RASAL2: variants seen among roughly 807,000 people sequenced by gnomAD.
RASAL2 encodes ras GTPase-activating protein nGAP.
In RASAL2, 58 loss-of-function variants were observed where a neutral mutation model predicts 128.9. The observed-to-expected ratio is 0.45, with a 90% CI of 0.36 to 0.56. RASAL2 has a LOEUF of 0.56. RASAL2 is among the 20% of genes least tolerant of loss of function. RASAL2 has a pLI of 0.00. For synonymous variants in RASAL2, 561 were observed against 580.8 expected, an observed-to-expected ratio of 0.97 and a Z score of 0.49; for missense variants, 1,360 against 1,601.6, an observed-to-expected ratio of 0.85 and a Z score of 2.57.
chr1:178,387,780 G>GA (rs1266557075), intron 3 of RASAL2, among the ~76,000 whole-genome samples: 1 of 151,948 alleles, frequency 6.6e-6, no homozygotes, highest in Admixed American at 6.6e-5. Flanking sequence ...ATCATTGTTG[G>GA]AAAAAAGAGA....
intron 1 of RASAL2, among the ~76,000 whole-genome samples, chr1:178,262,718 T>G (rs951279423): frequency 2.6e-5 from 4 of 152,118 alleles, no homozygotes; most frequent in Admixed American, 6.5e-5. Context: ...GCTGGGAGTA[T>G]TTGATAACTG....
intron 4 of RASAL2, among the ~76,000 whole-genome samples, chr1:178,399,537 G>A (rs1013474855): frequency 5.3e-5 from 8 of 152,098 alleles, no homozygotes; most frequent in Non-Finnish European, 7.4e-5. Context: ...GGTAGCCAGT[G>A]GACGCCCACT....
intron 2 of RASAL2, among the ~76,000 whole-genome samples, chr1:178,299,216 C>T (rs1390658763): frequency 2.0e-5 from 3 of 152,110 alleles, no homozygotes; most frequent in Admixed American, 2.0e-4. Context: ...TCTAAGTGCT[C>T]AACTCTAAAA....
chr1:178,257,652 C>T (rs12039359), intron 1 of RASAL2, among the ~76,000 whole-genome samples: 1 of 151,692 alleles, frequency 6.6e-6, no homozygotes, highest in Non-Finnish European at 1.5e-5. Flanking sequence ...CAAGATCAAC[C>T]TAGGTAACAT....
intron 1 of RASAL2, among the ~76,000 whole-genome samples, chr1:178,164,835 G>A (rs1017865307): frequency 6.7e-6 from 1 of 148,492 alleles, no homozygotes; most frequent in African/African-American, 2.5e-5. Flanking sequence ...GTGTGTGTGT[G>A]TGTGTGTGTG....
intron 3 of RASAL2, among the ~76,000 whole-genome samples, chr1:178,331,618 G>A (rs111569309): frequency 3.4e-5 from 4 of 119,376 alleles, no homozygotes; most frequent in African/African-American, 3.5e-5. Flanking sequence ...ACAGATTCTC[G>A]CACTGTCATC....
chr1:178,297,607 C>CA (rs34825546), intron 2 of RASAL2, among the ~76,000 whole-genome samples: 950 of 56,306 alleles, frequency 0.017, 10 homozygotes, highest in Non-Finnish European at 0.017. Context: ...GACTCCATCT[C>CA]AAAAAAAAAA....
chr1:178,376,530 C>A (rs1671995790), intron 3 of RASAL2, among the ~76,000 whole-genome samples: 1 of 152,030 alleles, frequency 6.6e-6, no homozygotes, highest in Admixed American at 6.6e-5. Flanking sequence ...ATAGGATTAA[C>A]CTTTTGAAGG....
intron 1 of RASAL2, among the ~76,000 whole-genome samples, chr1:178,261,700 A>G (rs1459522977): frequency 1.3e-5 from 2 of 152,122 alleles, no homozygotes; most frequent in East Asian, 3.9e-4. Flanking sequence ...GTGGATCACG[A>G]GATCAGGAGT....
At chr1:178,241,777 A>T (rs1356931480) in intron 1 of RASAL2, among the ~76,000 whole-genome samples, 2 of 152,232 alleles carry the variant, frequency 1.3e-5, no homozygotes, top group East Asian at 3.8e-4. Flanking sequence ...AAATGCAGGA[A>T]ATAATAGTAC....
At position 178,162,904 on chromosome 1, in the gene RASAL2, ATACTAGAACCT is replaced by A. The variant is rs145943459; in HGVS notation, c.202+68213_202+68223del. On this transcript the variant is annotated intron_variant, in intron 1 of 17. Coordinates refer to ENST00000367649, the MANE Select transcript of RASAL2 (RefSeq NM_170692.4). ...GCTGAGATTTCTTTATATATACTTG[ATACTAGAACCT>A]TATCAGATACATGATTTGAAAAACA... Among the ~76,000 whole-genome samples, 741 of 151,922 alleles carry A rather than the reference ATACTAGAACCT, an allele frequency of 4.9e-3. 5 individuals carry two copies. The highest frequency in any genetic ancestry group is 0.017 in the African/African-American group (713 of 41,418).
chr1:178,402,777 C>T (rs540521356), intron 4 of RASAL2, among the ~76,000 whole-genome samples: 17 of 152,188 alleles, frequency 1.1e-4, no homozygotes, highest in South Asian at 8.3e-4. Context: ...AAAAGCCCCC[C>T]TCCATCTCTG....
At chr1:178,131,956 A>G (rs921090307) in intron 1 of RASAL2, among the ~76,000 whole-genome samples, 1 of 152,062 alleles carries the variant, frequency 6.6e-6, no homozygotes, top group South Asian at 2.1e-4. Context: ...TTCTGTTTTG[A>G]GTCTTTGTAA....
chr1:178,205,874 C>A (rs1571628253), intron 1 of RASAL2, among the ~76,000 whole-genome samples: 1 of 143,846 alleles, frequency 7.0e-6, no homozygotes, highest in Non-Finnish European at 1.5e-5. Flanking sequence ...CCCATACTTA[C>A]CATTTTATTG....
At chr1:178,372,097 G>A (rs1030886465) in intron 3 of RASAL2, 6 of 886,622 alleles carry the variant, frequency 6.8e-6, no homozygotes, top group African/African-American at 1.8e-5. Context: ...AGAGTGGAGG[G>A]AGGATCACAT....
intron 4 of RASAL2, 92 bp from the exon 5 acceptor site, chr1:178,420,419 G>A (rs1675068614): frequency 1.4e-6 from 1 of 729,290 alleles, no homozygotes; most frequent in South Asian, 3.4e-5. Flanking sequence ...GGTCTTTATT[G>A]TAAAAGTCTA....
chr1:178,456,651 T>C (rs751736578), intron 12 of RASAL2, 70 bp from the exon 13 acceptor site: 1 of 1,545,776 alleles, frequency 6.5e-7, no homozygotes, highest in Non-Finnish European at 8.9e-7. Flanking sequence ...GCCATCGTTG[T>C]GCCAAAAACA....
chr1:178,343,006 A>G (rs371734219), intron 3 of RASAL2, among the ~76,000 whole-genome samples: 1 of 152,160 alleles, frequency 6.6e-6, no homozygotes, highest in Admixed American at 6.5e-5. Context: ...TCTGGAGACC[A>G]TTGTGGGGAT....
chr1:178,302,347 TTGTC>T (rs1463972836), intron 3 of RASAL2, among the ~76,000 whole-genome samples: 3 of 152,148 alleles, frequency 2.0e-5, no homozygotes, highest in Admixed American at 1.3e-4. Flanking sequence ...CAAAAATTGA[TTGTC>T]TATATACTAG....
Sources: gnomAD v4.1 joint callset for allele counts (sites outside exome capture counted in the v4.1 genomes callset) on GRCh38, gnomAD v4.1.1 for gene constraint, MANE v1.5 for transcripts, NCBI Gene and HGNC (gene_info 2026-07-23, HGNC 2026-07-21) for gene names.